SLA2: variants seen among roughly 807,000 people sequenced by gnomAD.
SLA2 encodes src-like-adapter 2.
SLA2 carries 22 observed loss-of-function variants against 27.3 expected under a neutral mutation model. The ratio of observed to expected loss-of-function variants is 0.81; its 90% CI spans 0.58 to 1.15. The LOEUF is 1.15. Ranked by LOEUF, SLA2 falls within the 50% of genes most tolerant of loss-of-function variation. The pLI is 0.00. For missense variants in SLA2, 304 were observed against 322.2 expected, an observed-to-expected ratio of 0.94 and a Z score of 0.43; for synonymous variants, 131 against 137.8, an observed-to-expected ratio of 0.95 and a Z score of 0.34.
chr20:36,642,736 C>T (rs1006598058), intron 1 of SLA2, among the ~76,000 whole-genome samples: 9 of 152,278 alleles, frequency 5.9e-5, no homozygotes, highest in African/African-American at 2.2e-4. Context: ...CAGGCATGCA[C>T]CACCACGCCT....
At chr20:36,640,493 G>C (rs909967895) in intron 2 of SLA2, among the ~76,000 whole-genome samples, 5 of 151,036 alleles carry the variant, frequency 3.3e-5, no homozygotes, top group Non-Finnish European at 5.9e-5. Context: ...TGTGGCTGGG[G>C]TGATGAAAGA....
Position 36,641,276 on chromosome 20 carries a change from G to C in SLA2, c.60C>G (p.Val20=), listed in dbSNP as rs1225566398. Residue 20 remains valine, a synonymous_variant, in exon 2 of 8, where the codon GTC becomes GTG. Transcript: ENST00000262866. ...SLPSPSLSSS[V]QGQGPVTMEA... ...CCATGGTCACAGGTCCCTGGCCTTGGACAGAGGAACTCAAGCTTGGGCTTG... is the reference window on the plus strand; with the variant it reads ...CCATGGTCACAGGTCCCTGGCCTTGCACAGAGGAACTCAAGCTTGGGCTTG... 6.2e-7 allele frequency: 1 copy of C among 1,614,096 alleles called. No individual in the cohort carries two copies. The highest frequency in any genetic ancestry group is 1.1e-5 in the South Asian group (1 of 91,078).
intron 1 of SLA2, 101 bp downstream of exon 1, chr20:36,645,736 T>A (rs928450939): frequency 6.6e-6 from 1 of 152,246 alleles, no homozygotes; most frequent in African/African-American, 2.4e-5. Context: ...AGCTTGTTTT[T>A]TTCCCAACAG....
Position 36,613,777 on chromosome 20 carries a change from T to G in SLA2, c.*89A>C. 58 of 444,234 alleles carry G rather than the reference T, an allele frequency of 1.3e-4. No individual in the cohort carries two copies. Among genetic ancestry groups the G allele is most frequent in the East Asian group, 2.1e-4 (3 of 14,504 alleles). 27.5% of individuals were successfully genotyped at this position (444,234 alleles called of 1,614,324 possible). Reference sequence around the variant, plus strand: ...CTGTGTCCCACCCTCCCTCCCTGAGTGCACAGCCTTGCCTCTGGGGTGCCC... The same window carrying G: ...CTGTGTCCCACCCTCCCTCCCTGAGGGCACAGCCTTGCCTCTGGGGTGCCC... On this transcript the variant is annotated 3_prime_UTR_variant, in exon 8 of 8. Transcript: ENST00000262866.
rs113183073 is a variant in SLA2 at position 36,617,730 on chromosome 20, G to A, written c.383-2356C>T. Among the ~76,000 whole-genome samples, 830 of 151,704 alleles carry A rather than the reference G, an allele frequency of 5.5e-3. 7 individuals are homozygous for A. The highest frequency in any genetic ancestry group is 0.019 in the African/African-American group (783 of 41,340). ...AAATTAGCCAGGCGTGGTGGCGTGCGCCTGTAATCCCAGCTACTCAGGAGG... is the reference window on the plus strand; with the variant it reads ...AAATTAGCCAGGCGTGGTGGCGTGCACCTGTAATCCCAGCTACTCAGGAGG... On this transcript the variant is annotated intron_variant, in intron 5 of 7. Coordinates refer to ENST00000262866, the MANE Select transcript of SLA2 (RefSeq NM_032214.4).
intron 5 of SLA2, among the ~76,000 whole-genome samples, chr20:36,625,657 T>G (rs2039329679): frequency 6.6e-6 from 1 of 151,432 alleles, no homozygotes; most frequent in African/African-American, 2.4e-5. Context: ...TAGAGTGAGA[T>G]CCTGTCTCTA....
intron 5 of SLA2, among the ~76,000 whole-genome samples, chr20:36,627,166 G>C (rs987033382): frequency 6.6e-6 from 1 of 152,152 alleles, no homozygotes; most frequent in Non-Finnish European, 1.5e-5. Flanking sequence ...GTGGGCAGAG[G>C]GTCCAGAGGG....
At chr20:36,618,788 TC>T (rs1019393846) in intron 5 of SLA2, among the ~76,000 whole-genome samples, 9 of 149,116 alleles carry the variant, frequency 6.0e-5, no homozygotes, top group African/African-American at 2.2e-4. Context: ...TGCCTATAAA[TC>T]CCAGCTACTT....
In SLA2 at chr20:36,636,623, A is replaced by AATAT. The variant is rs57962999; in HGVS notation, c.92-2038_92-2035dup. Among the ~76,000 whole-genome samples, 446 of 114,648 alleles carry AATAT rather than the reference A, an allele frequency of 3.9e-3. 8 individuals are homozygous for AATAT. The highest frequency in any genetic ancestry group is 0.015 in the African/African-American group (373 of 25,108). 75.2% of individuals were successfully genotyped at this position (114,648 alleles called of 152,430 possible). ...TCCATCTCAAAAAGAAAAAAAAAAAAATATATATATATATATATATATATA... is the reference window on the plus strand; with the variant it reads ...TCCATCTCAAAAAGAAAAAAAAAAAAATATATATATATATATATATATATATATA... On this transcript the variant is annotated intron_variant, in intron 2 of 7. Transcript: ENST00000262866.
intron 5 of SLA2, chr20:36,621,155 G>A (rs1294617568): frequency 6.8e-6 from 3 of 439,546 alleles, no homozygotes; most frequent in Non-Finnish European, 1.3e-5. Flanking sequence ...GGCTGCTGTG[G>A]TGGTGGAGCA....
chr20:36,616,413 C>G (rs1184765391), intron 5 of SLA2, among the ~76,000 whole-genome samples: 1 of 150,968 alleles, frequency 6.6e-6, no homozygotes, highest in African/African-American at 2.4e-5. Context: ...TCACTGCAAC[C>G]TCCGCCTCCT....
intron 4 of SLA2, among the ~76,000 whole-genome samples, 164 bp downstream of exon 4, chr20:36,633,379 C>A (rs1381818035): frequency 6.6e-6 from 1 of 152,148 alleles, no homozygotes; most frequent in Non-Finnish European, 1.5e-5. Flanking sequence ...TCTCACAGGC[C>A]AACCTGTGCT....
intron 5 of SLA2, among the ~76,000 whole-genome samples, chr20:36,623,266 CAAA>C (rs776399343): frequency 0.028 from 1,459 of 51,980 alleles, 14 homozygotes; most frequent in African/African-American, 0.089. Context: ...CATTACATCT[CAAA>C]AAAAAAAAAA....
intron 2 of SLA2, among the ~76,000 whole-genome samples, chr20:36,640,806 C>T (rs369878640): frequency 2.0e-5 from 3 of 152,162 alleles, no homozygotes; most frequent in East Asian, 1.9e-4. Flanking sequence ...CGTGAGCCAC[C>T]GTGCCCCACC....
rs2039280965 is a variant in SLA2, at chr20:36,621,417, G to T, written c.383-6043C>A. 6 of 545,416 alleles carry T rather than the reference G, an allele frequency of 1.1e-5. 1 individual carries two copies. Among genetic ancestry groups the T allele is most frequent in the South Asian group, 7.4e-5 (5 of 67,694 alleles). 33.8% of individuals were successfully genotyped at this position (545,416 alleles called of 1,614,324 possible). On this transcript the variant is annotated intron_variant, in intron 5 of 7. Transcript: ENST00000262866. ...TAAGTGGTAGATATAGTAGCAGAAG[G>T]TTCTAAAAACAGCAGAAAAAGGCTA...
chr20:36,636,115 A>G (rs1458519171), intron 2 of SLA2, among the ~76,000 whole-genome samples: 3 of 152,108 alleles, frequency 2.0e-5, no homozygotes, highest in Non-Finnish European at 4.4e-5. Context: ...GGCATGTGGT[A>G]GATTTAAAGT....
At chr20:36,637,883 CTTT>C (rs35354699) in intron 2 of SLA2, among the ~76,000 whole-genome samples, 4 of 89,372 alleles carry the variant, frequency 4.5e-5, no homozygotes, top group Non-Finnish European at 6.5e-5. Context: ...GCCTCGGCCT[CTTT>C]TTTTTTTTTT....
At chr20:36,637,475 G>T (rs528196528) in intron 2 of SLA2, among the ~76,000 whole-genome samples, 2 of 151,594 alleles carry the variant, frequency 1.3e-5, no homozygotes, top group African/African-American at 2.4e-5. Context: ...GATTACAGGC[G>T]TGAGCCACTG....
In SLA2 at chr20:36,613,566, C is replaced by CA. The variant is rs1474239980; in HGVS notation, c.*299dup. The stretch of plus-strand genomic sequence containing the variant: ...CAGATGGTACTGGAAACCCCAAACT[C>CA]AAGAACTAACTAGGTCAGACCCCCC... On this transcript the variant is annotated 3_prime_UTR_variant, in exon 8 of 8. Transcript: ENST00000262866. 7.7e-6 allele frequency: 2 copies of CA among 259,490 alleles called. No individual in the cohort carries two copies. The highest frequency in any genetic ancestry group is 1.5e-5 in the Non-Finnish European group (2 of 136,370). The allele number at this position is 259,490 out of a possible 1,614,324, so 16.1% of individuals were successfully genotyped here. A position where few individuals can be genotyped will look rare whatever the true frequency, so the allele number is the denominator to read the frequency against.
Sources: allele counts gnomAD v4.1 joint callset (sites outside exome capture counted in the v4.1 genomes callset), GRCh38; gene constraint gnomAD v4.1.1; transcripts MANE v1.5; gene names NCBI Gene and HGNC (gene_info 2026-07-23, HGNC 2026-07-21).